SAMD12: variants seen among roughly 807,000 people sequenced by gnomAD.
SAMD12 encodes sterile alpha motif domain containing 12.
In SAMD12, 9 loss-of-function variants were observed where a neutral mutation model predicts 15.0. The observed-to-expected ratio is 0.60, with a 90% CI of 0.36 to 1.05. SAMD12 has a LOEUF of 1.05. Ranked by LOEUF, SAMD12 falls within the 50% of genes least tolerant of loss-of-function variation. The pLI is 0.01. For missense variants in SAMD12, 230 were observed against 234.2 expected, an observed-to-expected ratio of 0.98 and a Z score of 0.12; for synonymous variants, 86 against 90.1, an observed-to-expected ratio of 0.96 and a Z score of 0.25.
chr8:118,205,382 G>C (rs78130089), intron 4 of SAMD12, among the ~76,000 whole-genome samples: 1,883 of 152,300 alleles, frequency 0.012, 51 homozygotes, highest in African/African-American at 0.043. Flanking sequence ...CATTCACCAA[G>C]TACTTCCTAG....
intron 4 of SAMD12, among the ~76,000 whole-genome samples, chr8:118,332,756 T>C (rs141245378): frequency 0.015 from 2,209 of 152,338 alleles, 24 homozygotes; most frequent in Non-Finnish European, 0.021. Flanking sequence ...ACTTCGGTCT[T>C]AGCCCTCATA....
At chr8:118,290,058 G>A (rs574530407) in intron 4 of SAMD12, among the ~76,000 whole-genome samples, 1 of 152,274 alleles carries the variant, frequency 6.6e-6, no homozygotes, top group East Asian at 1.9e-4. Flanking sequence ...ACTCAAATAA[G>A]GAAGATTCAA....
chr8:118,149,068 G>C, the SAMD12 span, among the ~76,000 whole-genome samples: 1 of 152,116 alleles, frequency 6.6e-6, no homozygotes, highest in East Asian at 1.9e-4. Flanking sequence ...ATAATTGCTG[G>C]GTCATATGGT....
chr8:118,515,335 T>A (rs7823939), intron 2 of SAMD12, among the ~76,000 whole-genome samples: 1 of 151,434 alleles, frequency 6.6e-6, no homozygotes, highest in Non-Finnish European at 1.5e-5. Flanking sequence ...TCTTTCTTCC[T>A]CCTGGCTCCA....
In SAMD12 at chr8:118,602,599, C is replaced by A. The variant is rs149687088; in HGVS notation, c.13+19205G>T. ...TGGACAGAAGTACAAACTCTGGAAT[C>A]AGAAATTAAGAGTTCAAATATTGGC... On this transcript the variant is annotated intron_variant, in intron 1 of 3. Coordinates refer to ENST00000314727, the MANE Select transcript of SAMD12 (RefSeq NM_207506.3). Among the ~76,000 whole-genome samples the A allele has an allele frequency of 2.9e-3, 445 of 152,202 alleles. 2 individuals are homozygous for A. Among genetic ancestry groups the A allele is most frequent in the African/African-American group, 0.01 (424 of 41,512 alleles).
intron 2 of SAMD12, among the ~76,000 whole-genome samples, chr8:118,440,975 G>A (rs1344078973): frequency 6.6e-6 from 1 of 152,058 alleles, no homozygotes; most frequent in Non-Finnish European, 1.5e-5. Flanking sequence ...GTGGTACAAG[G>A]ACGTGGCCAT....
intron 4 of SAMD12, among the ~76,000 whole-genome samples, chr8:118,368,949 C>A (rs529092673): frequency 6.6e-6 from 1 of 152,166 alleles, no homozygotes. Flanking sequence ...TCTGTTGTAG[C>A]ACTGGCAAGT....
chr8:118,594,972 C>T (rs553486175), intron 1 of SAMD12, among the ~76,000 whole-genome samples: 7 of 152,268 alleles, frequency 4.6e-5, no homozygotes, highest in East Asian at 3.9e-4. Flanking sequence ...CAAGTCACTA[C>T]CATAAAGTTA....
intron 2 of SAMD12, among the ~76,000 whole-genome samples, chr8:118,488,495 C>T (rs1824348971): frequency 6.6e-6 from 1 of 152,144 alleles, no homozygotes. Flanking sequence ...ATTCCATCAT[C>T]CCAGAAGGTT....
At chr8:118,133,972 T>C in the SAMD12 span, among the ~76,000 whole-genome samples, 1 of 152,234 alleles carries the variant, frequency 6.6e-6, no homozygotes, top group Non-Finnish European at 1.5e-5. Flanking sequence ...TTGGCTCTTT[T>C]ATCCCCTTAA....
At chr8:118,341,022 G>C (rs947173862) in intron 4 of SAMD12, among the ~76,000 whole-genome samples, 2 of 152,106 alleles carry the variant, frequency 1.3e-5, no homozygotes, top group African/African-American at 2.4e-5. Flanking sequence ...ATTCCTGAAG[G>C]GCTCAGCTGG....
the SAMD12 span, among the ~76,000 whole-genome samples, chr8:118,150,094 A>G: frequency 3.3e-5 from 5 of 152,348 alleles, no homozygotes; most frequent in Non-Finnish European, 7.3e-5. Context: ...CTACTGCGAT[A>G]TGGTGAGTAG....
At chr8:118,223,732 T>C (rs1170358257) in intron 4 of SAMD12, among the ~76,000 whole-genome samples, 1 of 152,232 alleles carries the variant, frequency 6.6e-6, no homozygotes, top group Non-Finnish European at 1.5e-5. Flanking sequence ...ATAATGTGCC[T>C]GAGAATGAAC....
rs183630345 is a variant in SAMD12 at position 118,263,381 on chromosome 8, T to C, written c.434-65649A>G. On this transcript the variant is annotated intron_variant, in intron 4 of 4. Transcript: ENST00000409003. ...ACAAAACTAGAACAAGAAAATCAGG[T>C]GCTTTTAGGGGTCTGGCATTGTTTT... Among the ~76,000 whole-genome samples the C allele has an allele frequency of 1.5e-3, 227 of 152,132 alleles. 2 individuals carry two copies. Among genetic ancestry groups the C allele is most frequent in the Non-Finnish European group, 6.9e-4 (47 of 67,972 alleles).
At chr8:118,521,495 C>T (rs1825386791) in intron 2 of SAMD12, among the ~76,000 whole-genome samples, 1 of 152,162 alleles carries the variant, frequency 6.6e-6, no homozygotes, top group Non-Finnish European at 1.5e-5. Context: ...CTTCCATTCT[C>T]GCTTTTACCT....
intron 1 of SAMD12, among the ~76,000 whole-genome samples, chr8:118,584,645 A>G (rs1457834501): frequency 2.0e-5 from 3 of 152,204 alleles, no homozygotes; most frequent in Admixed American, 2.0e-4. Context: ...TGAAGAGTTA[A>G]AAACCAAAAT....
At chr8:118,374,553 C>T (rs1819280332), downstream of SAMD12, among the ~76,000 whole-genome samples, 1 of 152,098 alleles carries the variant, frequency 6.6e-6, no homozygotes, top group Non-Finnish European at 1.5e-5. Context: ...TGAGGAACCT[C>T]AATACTGTTT....
intron 4 of SAMD12, among the ~76,000 whole-genome samples, chr8:118,321,898 T>C (rs751276837): frequency 1.4e-4 from 22 of 152,228 alleles, no homozygotes; most frequent in Non-Finnish European, 8.8e-5. Context: ...TTAGTTGTTA[T>C]TAACTTGAAC....
At chr8:118,579,948 C>T (rs1827244890) in intron 2 of SAMD12, among the ~76,000 whole-genome samples, 1 of 152,194 alleles carries the variant, frequency 6.6e-6, no homozygotes, top group Non-Finnish European at 1.5e-5. Flanking sequence ...TTAGAAGAGG[C>T]TGTCCTTACT....
Sources: allele counts gnomAD v4.1 joint callset (sites outside exome capture counted in the v4.1 genomes callset), GRCh38; gene constraint gnomAD v4.1.1; transcripts MANE v1.5; gene names NCBI Gene and HGNC (gene_info 2026-07-23, HGNC 2026-07-21).